Variants in ERBB4 observed in about 807,000 individuals in gnomAD.
ERBB4 encodes the protein receptor tyrosine-protein kinase erbB-4.
A neutral mutation model predicts 158.0 loss-of-function variants in ERBB4; 42 were observed. That is an observed-to-expected ratio of 0.27 (90% confidence interval 0.21 to 0.34). The LOEUF is 0.34. ERBB4 is among the 10% of genes least tolerant of loss of function. The pLI is 1.00. For missense variants in ERBB4, 1,333 were observed against 1,624.1 expected (o/e 0.82, Z 3.08); for synonymous variants, 583 against 558.7 (o/e 1.04, Z -0.61).
intron 20 of ERBB4, among the ~76,000 whole-genome samples, chr2:211,527,633 TAAC>T (rs1394723453): frequency 6.6e-6 from 1 of 151,976 alleles, no homozygotes; most frequent in Admixed American, 6.6e-5. Flanking sequence ...TCAAAAATAA[TAAC>T]TACAACAACT....
chr2:211,677,991 G>A (rs2072153576), intron 13 of ERBB4, among the ~76,000 whole-genome samples: 1 of 151,996 alleles, frequency 6.6e-6, no homozygotes, highest in South Asian at 2.1e-4. Flanking sequence ...CATTGATGAA[G>A]GACAAGAATG....
At chr2:211,508,589 C>T (rs1490321204) in intron 20 of ERBB4, among the ~76,000 whole-genome samples, 1 of 152,090 alleles carries the variant, frequency 6.6e-6, no homozygotes, top group Non-Finnish European at 1.5e-5. Context: ...AGATCTAGAA[C>T]CAGAAATACC....
intron 2 of ERBB4, among the ~76,000 whole-genome samples, chr2:212,105,313 T>C (rs183971939): frequency 6.6e-6 from 1 of 152,334 alleles, no homozygotes; most frequent in Non-Finnish European, 1.5e-5. Flanking sequence ...CAACATTATT[T>C]TAGATATGTA....
At chr2:212,141,075 A>G (rs1452530756) in intron 1 of ERBB4, among the ~76,000 whole-genome samples, 14 of 151,906 alleles carry the variant, frequency 9.2e-5, no homozygotes, top group Non-Finnish European at 1.9e-4. Context: ...ACTAACGTCT[A>G]TAACTACTTG....
intron 3 of ERBB4, among the ~76,000 whole-genome samples, chr2:211,829,506 T>C (rs2077174009): frequency 6.6e-6 from 1 of 152,184 alleles, no homozygotes; most frequent in African/African-American, 2.4e-5. Flanking sequence ...ATTTGCTTCA[T>C]AAAACATAGC....
chr2:212,101,079 T>C (rs1242871491), intron 2 of ERBB4, among the ~76,000 whole-genome samples: 1 of 152,050 alleles, frequency 6.6e-6, no homozygotes, highest in African/African-American at 2.4e-5. Context: ...CAGTTCTTGA[T>C]AGACGAGTCT....
intron 1 of ERBB4, among the ~76,000 whole-genome samples, chr2:212,357,016 T>C (rs1256413210): frequency 2.6e-5 from 4 of 151,904 alleles, no homozygotes; most frequent in Non-Finnish European, 5.9e-5. Context: ...AACATGATCA[T>C]TTGAATTTTA....
intron 1 of ERBB4, among the ~76,000 whole-genome samples, chr2:212,241,167 G>A (rs1310934839): frequency 1.3e-5 from 2 of 152,112 alleles, no homozygotes. Flanking sequence ...TGAGGCAGGA[G>A]GTTCGCTTGA....
At chr2:212,191,714 GTTACATATAACACGTGTTATACA>G (rs1395509514) in intron 1 of ERBB4, among the ~76,000 whole-genome samples, 6 of 147,130 alleles carry the variant, frequency 4.1e-5, no homozygotes, top group Non-Finnish European at 7.5e-5. Context: ...TGTTATACAT[GTTACATATAACACGTGTTATACA>G]TGTTACATAT....
chr2:211,709,274 T>TATATATATATATATAC (rs1553615210), intron 9 of ERBB4, among the ~76,000 whole-genome samples: 13 of 136,546 alleles, frequency 9.5e-5, no homozygotes, highest in African/African-American at 3.1e-4. Flanking sequence ...TATATATATA[T>TATATATATATATATAC]ACATACATAT....
intron 1 of ERBB4, among the ~76,000 whole-genome samples, chr2:212,185,034 C>T (rs113878288): frequency 0.048 from 6,236 of 131,058 alleles, 396 homozygotes; most frequent in African/African-American, 0.15. Flanking sequence ...TTTTTTTTTT[C>T]TTTTGAGACA....
At chr2:212,040,304 A>C (rs1208633850) in intron 2 of ERBB4, among the ~76,000 whole-genome samples, 1 of 151,848 alleles carries the variant, frequency 6.6e-6, no homozygotes, top group East Asian at 1.9e-4. Context: ...GGTGAATAGA[A>C]AAATTTTAGT....
intron 1 of ERBB4, among the ~76,000 whole-genome samples, chr2:212,250,341 G>A (rs1235120229): frequency 6.6e-6 from 1 of 151,878 alleles, no homozygotes; most frequent in African/African-American, 2.4e-5. Flanking sequence ...TGGGTGTGGA[G>A]TTTCCAACCT....
intron 1 of ERBB4, among the ~76,000 whole-genome samples, chr2:212,316,200 A>G (rs2087270167): frequency 6.6e-6 from 1 of 151,328 alleles, no homozygotes; most frequent in South Asian, 2.1e-4. Flanking sequence ...AAAAACAATA[A>G]CTACTTTTTG....
intron 3 of ERBB4, among the ~76,000 whole-genome samples, chr2:211,863,609 C>A (rs7565414): frequency 0.15 from 22,156 of 152,140 alleles, 2,013 homozygotes; most frequent in African/African-American, 0.25. Context: ...TGAGGATCTG[C>A]AGCTTCACTC....
chr2:212,011,572 G>A (rs60483271), intron 2 of ERBB4, among the ~76,000 whole-genome samples: 105 of 152,066 alleles, frequency 6.9e-4, no homozygotes, highest in African/African-American at 2.3e-3. Flanking sequence ...GCAACATGGC[G>A]AAACTCCATC....
intron 1 of ERBB4, among the ~76,000 whole-genome samples, chr2:212,265,961 C>T (rs1446464672): frequency 6.6e-6 from 1 of 152,012 alleles, no homozygotes; most frequent in Admixed American, 6.6e-5. Flanking sequence ...AGAGAGCCAC[C>T]TCGCTAATCG....
In ERBB4 at chr2:212,477,343, A is replaced by G. The variant is rs554313500; in HGVS notation, c.82+61106T>C. Among the ~76,000 whole-genome samples, 5 of 152,248 alleles carry G rather than the reference A, an allele frequency of 3.3e-5. 1 individual carries two copies. In the South Asian group the frequency reaches 1.0e-3, roughly 32 times the overall value. On this transcript the variant is annotated intron_variant, in intron 1 of 27. Coordinates refer to ENST00000342788, the MANE Select transcript of ERBB4 (RefSeq NM_005235.3). ...GCCACTTTGATAGCCAGGCAAAATT[A>G]CACCTCCAATGTAATCAGATAAGGA...
rs112035234 is a variant in ERBB4 at position 212,074,939 on chromosome 2, C to A, written c.234+49813G>T. On this transcript the variant is annotated intron_variant, in intron 2 of 27. Coordinates refer to ENST00000342788, the MANE Select transcript of ERBB4 (RefSeq NM_005235.3). ...AATTTGCTGGTCGTAGAGGTCCTGG[C>A]AATTTCTTGAAGCAATCCATCACAT... Among the ~76,000 whole-genome samples, 1,463 of 151,976 alleles carry A rather than the reference C, an allele frequency of 9.6e-3. 16 individuals are homozygous for A. Among genetic ancestry groups the A allele is most frequent in the Non-Finnish European group, 0.012 (790 of 67,928 alleles).
Sources: gnomAD v4.1 joint callset for allele counts (sites outside exome capture counted in the v4.1 genomes callset) on GRCh38, gnomAD v4.1.1 for gene constraint, MANE v1.5 for transcripts, NCBI Gene and HGNC (gene_info 2026-07-23, HGNC 2026-07-21) for gene names.